NRG1: variants seen among roughly 807,000 people sequenced by gnomAD.
NRG1 encodes the protein neuregulin 1.
In NRG1, 18 loss-of-function variants were observed where a neutral mutation model predicts 63.8. That is an observed-to-expected ratio of 0.28 (90% CI 0.19 to 0.42). The LOEUF (loss-of-function observed/expected upper bound fraction) is 0.42. Ranked by LOEUF, NRG1 falls within the 10% of genes least tolerant of loss-of-function variation. The pLI, the probability that NRG1 is intolerant of heterozygous loss-of-function variation, is 1.00. For missense variants in NRG1, 762 were observed against 814.7 expected (o/e 0.94, Z 0.79); for synonymous variants, 302 against 301.3 (o/e 1.00, Z -0.02).
chr8:32,623,248 G>A (rs537100531), intron 5 of NRG1, among the ~76,000 whole-genome samples: 1 of 152,210 alleles, frequency 6.6e-6, no homozygotes, highest in East Asian at 1.9e-4. Context: ...TCCATTGGTG[G>A]AATTTAGACC....
chr8:32,439,376 G>C (rs1819216160), intron 1 of NRG1, among the ~76,000 whole-genome samples: 1 of 152,076 alleles, frequency 6.6e-6, no homozygotes, highest in Non-Finnish European at 1.5e-5. Context: ...ATTTTTATTT[G>C]GCAGTTTTAT....
At chr8:32,259,591 A>G (rs1005405372) in intron 1 of NRG1, among the ~76,000 whole-genome samples, 8 of 152,174 alleles carry the variant, frequency 5.3e-5, no homozygotes, top group African/African-American at 1.9e-4. Context: ...AACAGACAAG[A>G]CATAAAGGAA....
intron 1 of NRG1, among the ~76,000 whole-genome samples, chr8:31,668,804 G>C (rs1806814304): frequency 6.6e-6 from 1 of 152,168 alleles, no homozygotes; most frequent in African/African-American, 2.4e-5. Flanking sequence ...AATCATTGAA[G>C]GAGTTAATAA....
chr8:32,515,696 T>A (rs1829754413), intron 1 of NRG1, among the ~76,000 whole-genome samples: 1 of 152,184 alleles, frequency 6.6e-6, no homozygotes, highest in African/African-American at 2.4e-5. Context: ...CACCTTAGCC[T>A]CCAGAAGTGT....
intron 5 of NRG1, among the ~76,000 whole-genome samples, chr8:32,687,485 G>C (rs1810472282): frequency 6.6e-6 from 1 of 152,196 alleles, no homozygotes. Context: ...CTGAGCCCGA[G>C]TCTGAACGCA....
At chr8:32,580,720 G>A (rs1231817945) in intron 1 of NRG1, among the ~76,000 whole-genome samples, 5 of 152,118 alleles carry the variant, frequency 3.3e-5, no homozygotes, top group Non-Finnish European at 7.4e-5. Flanking sequence ...ATGTAGCTCT[G>A]AAGTGGTAAA....
At position 31,737,681 on chromosome 8, in the gene NRG1, TA is replaced by T. The variant is rs1476383443; in HGVS notation, c.37+98253del. Among the ~76,000 whole-genome samples, 3 of 152,278 alleles carry T rather than the reference TA, an allele frequency of 2.0e-5. No individual in the cohort carries two copies. In the East Asian group the frequency reaches 5.8e-4, roughly 29 times the overall value. On this transcript the variant is annotated intron_variant, in intron 1 of 10. Transcript: ENST00000519301. ...GTTAACTCATTCTTTTAGAATAATG[TA>T]AATAACTTGGATGGGAGCAGGCTGT...
chr8:31,990,686 A>G (rs1810913790), intron 1 of NRG1, among the ~76,000 whole-genome samples: 1 of 152,148 alleles, frequency 6.6e-6, no homozygotes, highest in Non-Finnish European at 1.5e-5. Context: ...CTGCTAAACC[A>G]TATGACATCA....
At chr8:32,615,167 A>G (rs1847122677) in intron 4 of NRG1, among the ~76,000 whole-genome samples, 1 of 152,172 alleles carries the variant, frequency 6.6e-6, no homozygotes, top group African/African-American at 2.4e-5. Flanking sequence ...CTAGCAATGC[A>G]TATATAACCA....
At chr8:31,779,737 T>G (rs1347143450) in intron 1 of NRG1, among the ~76,000 whole-genome samples, 1 of 152,208 alleles carries the variant, frequency 6.6e-6, no homozygotes, top group Admixed American at 6.5e-5. Context: ...CCCAAGTTCC[T>G]GTCCTGGATT....
intron 1 of NRG1, among the ~76,000 whole-genome samples, chr8:31,949,052 A>G (rs944203630): frequency 3.3e-5 from 5 of 152,218 alleles, no homozygotes; most frequent in Non-Finnish European, 7.3e-5. Context: ...CAAAAAAACT[A>G]TATTGGTATA....
chr8:31,698,290 G>A (rs1369883409), intron 1 of NRG1, among the ~76,000 whole-genome samples: 1 of 152,166 alleles, frequency 6.6e-6, no homozygotes, highest in Non-Finnish European at 1.5e-5. Flanking sequence ...ACAAGCTCGA[G>A]CTGACACACA....
chr8:32,485,971 A>G (rs543492013), intron 1 of NRG1, among the ~76,000 whole-genome samples: 35 of 151,948 alleles, frequency 2.3e-4, no homozygotes, highest in African/African-American at 6.3e-4. Flanking sequence ...CTTATTGCCC[A>G]GGTTGGAGTG....
intron 1 of NRG1, among the ~76,000 whole-genome samples, chr8:32,127,732 C>T (rs1834284548): frequency 6.6e-6 from 1 of 151,678 alleles, no homozygotes; most frequent in South Asian, 2.1e-4. Context: ...TCTTTTGCTG[C>T]TTAGTGGCCA....
At chr8:32,715,203 C>T (rs1818875160) in intron 5 of NRG1, among the ~76,000 whole-genome samples, 1 of 152,110 alleles carries the variant, frequency 6.6e-6, no homozygotes, top group Non-Finnish European at 1.5e-5. Context: ...CATCCACCCG[C>T]CTCAGCCTCT....
intron 5 of NRG1, among the ~76,000 whole-genome samples, chr8:32,712,151 A>G (rs2919378): frequency 0.81 from 122,933 of 152,140 alleles, 50,574 homozygotes; most frequent in Middle Eastern, 0.9. Context: ...CTAGACATCA[A>G]TTCTAGCATG....
chr8:32,643,086 A>C (rs1437642416), intron 5 of NRG1, among the ~76,000 whole-genome samples: 1 of 152,242 alleles, frequency 6.6e-6, no homozygotes, highest in Non-Finnish European at 1.5e-5. Context: ...AATATTATGA[A>C]AGTGGATCAG....
chr8:32,647,248 T>TGCC lies in NRG1; in HGVS notation c.502+30373_502+30375dup, dbSNP rs752783052. On this transcript the variant is annotated intron_variant, in intron 5 of 11. Coordinates refer to ENST00000356819, the Ensembl canonical transcript of NRG1. ...CTGCCTCTCCTGCCGCCGCTGCTGC[T>TGCC]GCCGCCGCCGCCACCGCCGCTGGTC... 6.0e-3 allele frequency: 5,922 copies of TGCC among 985,370 alleles called. 23 individuals are homozygous for TGCC. The highest frequency in any genetic ancestry group is 6.3e-3 in the Non-Finnish European group (5,232 of 829,910). 61.0% of individuals were successfully genotyped at this position (985,370 alleles called of 1,614,324 possible).
chr8:32,548,732 C>G, exon 1 of NRG1: 1 of 1,582,650 alleles, frequency 6.3e-7, no homozygotes, highest in East Asian at 2.3e-5. Flanking sequence ...GCGAGATGTC[C>G]GAGCGCAAAG....
Sources: allele counts gnomAD v4.1 joint callset (sites outside exome capture counted in the v4.1 genomes callset), GRCh38; gene constraint gnomAD v4.1.1; transcripts MANE v1.5; gene names NCBI Gene and HGNC (gene_info 2026-07-23, HGNC 2026-07-21).